Variants in WWTR1 observed in about 807,000 individuals in gnomAD.
WWTR1 encodes the protein WW domain-containing transcription regulator protein 1.
WWTR1 carries 13 observed loss-of-function variants against 40.1 expected under a neutral mutation model. The observed-to-expected ratio is 0.32, with a 90% confidence interval of 0.21 to 0.52. The LOEUF (loss-of-function observed/expected upper bound fraction) is 0.52, where lower values mean the gene tolerates loss of function less well. WWTR1 is among the 20% of genes least tolerant of loss of function. WWTR1 has a pLI of 0.97. For missense variants in WWTR1, 436 were observed against 523.1 expected, an observed-to-expected ratio of 0.83 and a Z score of 1.63; for synonymous variants, 230 against 210.1, an observed-to-expected ratio of 1.09 and a Z score of -0.82.
rs148369608 is a variant in WWTR1, at chr3:149,613,926, T to G, written c.432-40926A>C. On this transcript the variant is annotated intron_variant, in intron 2 of 6. Coordinates refer to ENST00000360632, the MANE Select transcript of WWTR1 (RefSeq NM_015472.6). Reference sequence around the variant, plus strand: ...CCACACTCACGGTGAAAAAAAAAATTGTAAAATGCAGATAAACAAAAATGA... The same window carrying G: ...CCACACTCACGGTGAAAAAAAAAATGGTAAAATGCAGATAAACAAAAATGA... 4.6e-3 allele frequency among the ~76,000 whole-genome samples: 704 copies of G among 151,662 alleles called. 3 individuals carry two copies. Among genetic ancestry groups the G allele is most frequent in the African/African-American group, 0.017 (686 of 41,352 alleles).
intron 2 of WWTR1, among the ~76,000 whole-genome samples, chr3:149,579,941 T>C (rs964776339): frequency 3.3e-5 from 5 of 152,200 alleles, no homozygotes; most frequent in African/African-American, 1.2e-4. Context: ...AATTCCCAGA[T>C]AGGGCCTGCC....
rs1576529222 is a variant in WWTR1, at chr3:149,517,619, A to C, written c.*3186T>G. On this transcript the variant is annotated 3_prime_UTR_variant, in exon 7 of 7. Transcript: ENST00000360632. ...TGTCAGTCTAGATCACTTCTTCTGCAGAGAGCTTTTCAACCAAGTTGGCAT... is the reference window on the plus strand; with the variant it reads ...TGTCAGTCTAGATCACTTCTTCTGCCGAGAGCTTTTCAACCAAGTTGGCAT... 6.6e-6 allele frequency: 1 copy of C among 152,316 alleles called. No individual in the cohort carries two copies. 9.4% of individuals were successfully genotyped at this position (152,316 alleles called of 1,614,324 possible). A position where few individuals can be genotyped will look rare whatever the true frequency, so the allele number is the denominator to read the frequency against.
chr3:149,700,446 C>T (rs755601608), intron 1 of WWTR1, among the ~76,000 whole-genome samples: 3 of 152,160 alleles, frequency 2.0e-5, no homozygotes, highest in Non-Finnish European at 4.4e-5. Flanking sequence ...GTGAATTAAT[C>T]TTAGCTCCAC....
chr3:149,526,261 G>T, intron 5 of WWTR1, 136 bp from the exon 6 acceptor site: 1 of 500,458 alleles, frequency 2.0e-6, no homozygotes, highest in Non-Finnish European at 3.4e-6. Context: ...AGGAAGGAAA[G>T]TTTTAATTTT....
chr3:149,622,666 C>T (rs1307473660), intron 2 of WWTR1, among the ~76,000 whole-genome samples: 1 of 152,156 alleles, frequency 6.6e-6, no homozygotes, highest in Non-Finnish European at 1.5e-5. Context: ...GCCTGGACAA[C>T]ATGGCGAAAA....
chr3:149,666,051 G>C (rs1226805554), intron 2 of WWTR1, among the ~76,000 whole-genome samples: 1 of 152,136 alleles, frequency 6.6e-6, no homozygotes, highest in Non-Finnish European at 1.5e-5. Flanking sequence ...GGAAGAGTTT[G>C]CCACCTGATT....
At chr3:149,627,222 A>G (rs1267550457) in intron 2 of WWTR1, among the ~76,000 whole-genome samples, 1 of 152,214 alleles carries the variant, frequency 6.6e-6, no homozygotes. Context: ...ATTTTATCCA[A>G]CAACCCTTCT....
chr3:149,587,666 T>C (rs1738492652), intron 2 of WWTR1, among the ~76,000 whole-genome samples: 1 of 152,136 alleles, frequency 6.6e-6, no homozygotes, highest in South Asian at 2.1e-4. Flanking sequence ...TTCTTAGGAG[T>C]AGAGGAAATA....
rs1232640145 is a variant in WWTR1 at position 149,690,325 on chromosome 3, G to T, written c.-108+12799C>A. ...CTCTCCAATCAAAAGACATAGAGTGGCTGAATGGATATAAAAACAAGACCC... is the reference window on the plus strand; with the variant it reads ...CTCTCCAATCAAAAGACATAGAGTGTCTGAATGGATATAAAAACAAGACCC... On this transcript the variant is annotated intron_variant, in intron 1 of 7. Coordinates refer to the WWTR1 transcript ENST00000465804. Among the ~76,000 whole-genome samples the T allele has an allele frequency of 2.0e-5, 3 of 151,984 alleles. No homozygotes were observed. The East Asian group carries it at 5.8e-4, about 29-fold the overall frequency.
intron 1 of WWTR1, among the ~76,000 whole-genome samples, chr3:149,671,124 A>C (rs1025339004): frequency 6.6e-6 from 1 of 152,144 alleles, no homozygotes; most frequent in Non-Finnish European, 1.5e-5. Context: ...AAACTTAACA[A>C]ATATTTAACT....
chr3:149,545,957 A>T (rs1736344132), intron 3 of WWTR1, among the ~76,000 whole-genome samples: 1 of 152,250 alleles, frequency 6.6e-6, no homozygotes. Context: ...AAAATGCTGC[A>T]TTGGGCGTAC....
chr3:149,534,346 C>T (rs143637944), intron 4 of WWTR1, among the ~76,000 whole-genome samples: 90 of 152,186 alleles, frequency 5.9e-4, no homozygotes, highest in African/African-American at 2.0e-3. Flanking sequence ...GTTGACAGAC[C>T]TCAAATTGTC....
intron 2 of WWTR1, among the ~76,000 whole-genome samples, chr3:149,590,644 C>T (rs1293886305): frequency 6.6e-6 from 1 of 152,056 alleles, no homozygotes; most frequent in African/African-American, 2.4e-5. Flanking sequence ...GAGACTCCGT[C>T]TCAAAAAAAA....
chr3:149,523,693 G>A (rs1429892327), intron 6 of WWTR1, among the ~76,000 whole-genome samples: 1 of 152,200 alleles, frequency 6.6e-6, no homozygotes, highest in Non-Finnish European at 1.5e-5. Context: ...CAAATGGAGT[G>A]CTCAGCTGGC....
At chr3:149,611,007 C>T (rs1739714021) in intron 2 of WWTR1, among the ~76,000 whole-genome samples, 1 of 151,814 alleles carries the variant, frequency 6.6e-6, no homozygotes, top group Non-Finnish European at 1.5e-5. Flanking sequence ...TTTAAATTAG[C>T]TGGGCATGGT....
intron 6 of WWTR1, among the ~76,000 whole-genome samples, chr3:149,521,292 C>T (rs1735035085): frequency 6.6e-6 from 1 of 152,082 alleles, no homozygotes; most frequent in African/African-American, 2.4e-5. Context: ...AGTAGAGAGG[C>T]CTTGTCTGTA....
At chr3:149,615,792 G>C (rs1396139554) in intron 2 of WWTR1, among the ~76,000 whole-genome samples, 1 of 152,206 alleles carries the variant, frequency 6.6e-6, no homozygotes, top group Non-Finnish European at 1.5e-5. Flanking sequence ...AGATGGAGGA[G>C]GGGTAGCGGC....
chr3:149,667,353 C>A (rs1713877369), intron 2 of WWTR1, among the ~76,000 whole-genome samples: 1 of 152,004 alleles, frequency 6.6e-6, no homozygotes, highest in Non-Finnish European at 1.5e-5. Context: ...TGAGATCATC[C>A]TGGCTAACAT....
chr3:149,539,390 G>C (rs1735981489), intron 4 of WWTR1, among the ~76,000 whole-genome samples: 1 of 152,168 alleles, frequency 6.6e-6, no homozygotes, highest in African/African-American at 2.4e-5. Context: ...TACAGAAAGA[G>C]AGCATAGCCT....
Sources: gnomAD v4.1 joint callset for allele counts (sites outside exome capture counted in the v4.1 genomes callset) on GRCh38, gnomAD v4.1.1 for gene constraint, MANE v1.5 for transcripts, NCBI Gene and HGNC (gene_info 2026-07-23, HGNC 2026-07-21) for gene names.